Variants in ARFGAP3 observed in about 807,000 individuals in gnomAD.
ARFGAP3 encodes the protein ADP-ribosylation factor GTPase-activating protein 3.
Under a neutral mutation model 75.0 loss-of-function variants are expected in ARFGAP3, and 72 were observed. That is an observed-to-expected ratio of 0.96 (90% CI 0.79 to 1.17). ARFGAP3 has a LOEUF of 1.17. Among genes scored for constraint, ARFGAP3 ranks in the 50% most tolerant of loss-of-function variants. The pLI, the probability that ARFGAP3 is intolerant of heterozygous loss-of-function variation, is 0.00. For synonymous variants in ARFGAP3, 221 were observed against 217.9 expected, an observed-to-expected ratio of 1.01 and a Z score of -0.13; for missense variants, 620 against 626.6, an observed-to-expected ratio of 0.99 and a Z score of 0.11.
intron 9 of ARFGAP3, among the ~76,000 whole-genome samples, chr22:42,819,124 A>G (rs1334570808): frequency 6.6e-6 from 1 of 152,124 alleles, no homozygotes; most frequent in Non-Finnish European, 1.5e-5. Context: ...AGAATTTCTT[A>G]TTAGGAAAAA....
intron 15 of ARFGAP3, among the ~76,000 whole-genome samples, chr22:42,798,458 A>G (rs1038802091): frequency 2.0e-5 from 3 of 152,272 alleles, no homozygotes; most frequent in South Asian, 2.1e-4. Context: ...CGAGCCACTC[A>G]TATCGTCACA....
chr22:42,822,012 C>T (rs1379302704), intron 9 of ARFGAP3, among the ~76,000 whole-genome samples: 1 of 152,166 alleles, frequency 6.6e-6, no homozygotes, highest in Admixed American at 6.6e-5. Context: ...GTGTAAACAC[C>T]TCCATGCATC....
intron 6 of ARFGAP3, among the ~76,000 whole-genome samples, chr22:42,827,453 G>A (rs1926091731): frequency 1.3e-5 from 2 of 151,936 alleles, no homozygotes; most frequent in Non-Finnish European, 2.9e-5. Flanking sequence ...TGCAACCTTC[G>A]CCTCCCGGGT....
intron 12 of ARFGAP3, among the ~76,000 whole-genome samples, chr22:42,810,002 TTA>T (rs1491333876): frequency 1.4e-5 from 1 of 74,050 alleles, no homozygotes; most frequent in Non-Finnish European, 2.3e-5. Context: ...AGACTCCATC[TTA>T]AAAAAAAAAA....
chr22:42,841,058 C>A (rs1261581528), intron 2 of ARFGAP3, 42 bp from the exon 3 acceptor site: 28 of 1,593,506 alleles, frequency 1.8e-5, no homozygotes, highest in Non-Finnish European at 2.3e-5. Flanking sequence ...ATTTTTTATC[C>A]CCAGGAGCAA....
intron 1 of ARFGAP3, among the ~76,000 whole-genome samples, chr22:42,851,458 G>A (rs1027196006): frequency 6.6e-6 from 1 of 152,106 alleles, no homozygotes; most frequent in Non-Finnish European, 1.5e-5. Flanking sequence ...GCCCCATGAG[G>A]GGGGGGCCAT....
chr22:42,828,190 A>AG (rs1926126917), intron 6 of ARFGAP3, among the ~76,000 whole-genome samples: 1 of 152,048 alleles, frequency 6.6e-6, no homozygotes, highest in South Asian at 2.1e-4. Flanking sequence ...CGGGAGGCCA[A>AG]GGGGGACGCA....
intron 3 of ARFGAP3, among the ~76,000 whole-genome samples, chr22:42,836,282 T>G (rs1426363160): frequency 6.6e-6 from 1 of 152,122 alleles, no homozygotes; most frequent in Non-Finnish European, 1.5e-5. Context: ...GGCCCTTTTC[T>G]TTGTTTTTTG....
chr22:42,856,481 A>G (rs1157006195), intron 1 of ARFGAP3, among the ~76,000 whole-genome samples: 1 of 152,078 alleles, frequency 6.6e-6, no homozygotes, highest in Non-Finnish European at 1.5e-5. Context: ...AGTTCCAGGG[A>G]GAGAACAGCC....
At position 42,817,174 on chromosome 22, in the gene ARFGAP3, G is replaced by C; in HGVS notation, c.1032C>G (p.Asp344Glu). 6.2e-7 allele frequency: 1 copy of C among 1,613,086 alleles called. No individual in the cohort carries two copies. The highest frequency in any genetic ancestry group is 8.5e-7 in the Non-Finnish European group (1 of 1,179,334). The change falls in exon 11 of 16, where the codon GAC (aspartate) becomes GAG (glutamate). Residue 344 changes from aspartate (D) to glutamate (E), a missense_variant. Physicochemically the swap from Asp to Glu is conservative, Grantham distance 45 (BLOSUM62 2). Coordinates refer to ENST00000263245, the MANE Select transcript of ARFGAP3 (RefSeq NM_014570.5). Reference protein sequence around the residue: ...MAKPRKKYNDDSDDSYFTSSS... With the variant: ...MAKPRKKYNDESDDSYFTSSS... The stretch of plus-strand genomic sequence containing the variant: ...TGGAAGTAAAATATGAATCGTCACT[G>C]TCATCATTATACTTTTTTCTTGGTT...
At position 42,844,761 on chromosome 22, in the gene ARFGAP3, A is replaced by T. The variant is rs138510280; in HGVS notation, c.188+2753T>A. On this transcript the variant is annotated intron_variant, in intron 2 of 15. Coordinates refer to ENST00000263245, the MANE Select transcript of ARFGAP3 (RefSeq NM_014570.5). ...AATAGCTCTTCTCTGCCTTAAAAATAACAACAAAAACAATACTGAGTACTT... is the reference window on the plus strand; with the variant it reads ...AATAGCTCTTCTCTGCCTTAAAAATTACAACAAAAACAATACTGAGTACTT... Among the ~76,000 whole-genome samples, 78 of 152,298 alleles carry T rather than the reference A, an allele frequency of 5.1e-4. 1 individual carries two copies. In the East Asian group the frequency reaches 0.013, roughly 26 times the overall value.
chr22:42,852,187 TG>T (rs1403987226), intron 1 of ARFGAP3, among the ~76,000 whole-genome samples: 1 of 151,820 alleles, frequency 6.6e-6, no homozygotes, highest in African/African-American at 2.4e-5. Context: ...CCCGAGCAGC[TG>T]GGACCACAGG....
intron 4 of ARFGAP3, 95 bp from the exon 5 acceptor site, chr22:42,834,420 A>G (rs1168669547): frequency 2.0e-6 from 3 of 1,533,072 alleles, no homozygotes; most frequent in East Asian, 2.3e-5. Flanking sequence ...CCTGTTTCCT[A>G]AAGATTGGTG....
chr22:42,838,287 TATA>T (rs1189261884), intron 3 of ARFGAP3, among the ~76,000 whole-genome samples: 6 of 125,466 alleles, frequency 4.8e-5, no homozygotes, highest in African/African-American at 2.2e-4. Flanking sequence ...TATATATATA[TATA>T]TTTTTTTTTT....
chr22:42,815,930 T>A (rs750557012), intron 11 of ARFGAP3, among the ~76,000 whole-genome samples: 1 of 152,120 alleles, frequency 6.6e-6, no homozygotes, highest in Non-Finnish European at 1.5e-5. Flanking sequence ...CTGGCCAACA[T>A]GGCGAAACTC....
rs1925915094 is a variant in ARFGAP3, at chr22:42,823,759, G to T, written c.626-57C>A. The T allele has an allele frequency of 3.5e-6, 5 of 1,411,236 alleles. No homozygotes were observed. The South Asian group carries it at 6.7e-5, about 19-fold the overall frequency. 87.4% of individuals were successfully genotyped at this position (1,411,236 alleles called of 1,614,324 possible). A position where few individuals can be genotyped will look rare whatever the true frequency, so the allele number is the denominator to read the frequency against. On this transcript the variant is annotated intron_variant, in intron 7 of 15. Transcript: ENST00000263245. ...CAATAGAAATAATTTTTCTTTTTTA[G>T]TGTGTCTTTTAAAATTCTAAGATAC...
chr22:42,823,623 C>T (rs1925906785), intron 8 of ARFGAP3, 33 bp downstream of exon 8: 2 of 1,442,842 alleles, frequency 1.4e-6, no homozygotes, highest in East Asian at 2.4e-5. Context: ...GCTTAACTAC[C>T]AGATTTTTAT....
At chr22:42,852,391 GCT>G (rs1927316403) in intron 1 of ARFGAP3, among the ~76,000 whole-genome samples, 1 of 151,666 alleles carries the variant, frequency 6.6e-6, no homozygotes, top group Non-Finnish European at 1.5e-5. Flanking sequence ...ATAGGGTCTC[GCT>G]CTGTCGCCCA....
intron 7 of ARFGAP3, among the ~76,000 whole-genome samples, chr22:42,825,380 T>C (rs1009411168): frequency 2.0e-5 from 3 of 152,120 alleles, no homozygotes; most frequent in Non-Finnish European, 2.9e-5. Flanking sequence ...AAAATAAATA[T>C]AAAGCATCCT....
Sources: allele counts gnomAD v4.1 joint callset (sites outside exome capture counted in the v4.1 genomes callset), GRCh38; gene constraint gnomAD v4.1.1; transcripts MANE v1.5; gene names NCBI Gene and HGNC (gene_info 2026-07-23, HGNC 2026-07-21).